NCOA6: variants seen among roughly 807,000 people sequenced by gnomAD.
NCOA6 encodes NRC RAP250.
In NCOA6, 49 loss-of-function variants were observed where a neutral mutation model predicts 171.4. The observed-to-expected ratio is 0.29, with a 90% confidence interval of 0.23 to 0.36. The LOEUF (loss-of-function observed/expected upper bound fraction) is 0.36. NCOA6 is among the 10% of genes least tolerant of loss of function. NCOA6 has a pLI of 1.00. For missense variants in NCOA6, 2,248 were observed against 2,554.5 expected, an observed-to-expected ratio of 0.88 and a Z score of 2.59; for synonymous variants, 910 against 927.5, an observed-to-expected ratio of 0.98 and a Z score of 0.34.
rs1196781414 is a variant in NCOA6 at position 34,780,808 on chromosome 20, C to T, written c.235+1313G>A. 2.0e-5 allele frequency among the ~76,000 whole-genome samples: 3 copies of T among 152,026 alleles called. No homozygotes were observed. In the East Asian group the frequency reaches 5.8e-4, roughly 29 times the overall value. ...AGCTGGGACTACAGGTGCATGCCAA[C>T]ATACCCAACTAATTTTTGTATTTTC... On this transcript the variant is annotated intron_variant, in intron 3 of 14. Coordinates refer to ENST00000359003, the MANE Select transcript of NCOA6 (RefSeq NM_014071.5).
intron 1 of NCOA6, among the ~76,000 whole-genome samples, chr20:34,809,161 T>C (rs577362010): frequency 6.6e-6 from 1 of 152,376 alleles, no homozygotes; most frequent in Admixed American, 6.5e-5. Flanking sequence ...CTTTTTGTCT[T>C]TTCTTGGTAC....
intron 14 of NCOA6, among the ~76,000 whole-genome samples, chr20:34,723,094 G>C (rs1381571553): frequency 6.6e-6 from 1 of 152,174 alleles, no homozygotes; most frequent in Non-Finnish European, 1.5e-5. Context: ...AGCCACTCTA[G>C]CAAATTAACT....
chr20:34,746,855 A>G lies in NCOA6; in HGVS notation c.2866T>C (p.Leu956=), dbSNP rs2076318963. Residue 956 remains leucine, a synonymous_variant, in exon 10 of 15, where the codon TTG becomes CTG. Coordinates refer to ENST00000359003, the MANE Select transcript of NCOA6 (RefSeq NM_014071.5). ...GGCAGTTTAGGGCCTGAGTTATCCA[A>G]GTTAATTCCTTGTTCTCCAGGCAAC... ...PPLPGEQGIN[L]DNSGPKLPEF... is the part of the protein sequence containing the mutation. 1.9e-6 allele frequency: 3 copies of G among 1,609,734 alleles called. No individual in the cohort carries two copies. In the Admixed American group the frequency reaches 5.0e-5, roughly 27 times the overall value.
Position 34,736,697 on chromosome 20 carries a change from G to A in NCOA6, c.5955C>T (p.Ala1985=), listed in dbSNP as rs750665381. The change falls in exon 12 of 15, where the codon GCC becomes GCT. Residue 1985 remains alanine (A), a synonymous_variant. Transcript: ENST00000359003. ...TSTTALQASV[A]RPELEVNAAI... ...TTCCAAAGTACGCCTTACCTGGTCT[G>A]GCAACAGAGGCCTGCAGTGCTGTGG... The A allele has an allele frequency of 2.5e-6, 4 of 1,608,054 alleles. No individual in the cohort carries two copies. In the East Asian group the frequency reaches 9.0e-5, roughly 36 times the overall value.
intron 2 of NCOA6, among the ~76,000 whole-genome samples, chr20:34,785,231 A>C (rs2077637917): frequency 1.3e-5 from 2 of 152,160 alleles, no homozygotes; most frequent in Non-Finnish European, 2.9e-5. Flanking sequence ...ATTTGAGCAG[A>C]GCACCTTGTG....
intron 14 of NCOA6, among the ~76,000 whole-genome samples, chr20:34,720,644 C>T (rs1474137552): frequency 6.6e-6 from 1 of 152,160 alleles, no homozygotes; most frequent in African/African-American, 2.4e-5. Flanking sequence ...ATATATATGA[C>T]CAAACTCTTA....
intron 11 of NCOA6, chr20:34,738,806 C>T (rs938962388): frequency 4.5e-5 from 20 of 449,134 alleles, no homozygotes; most frequent in Admixed American, 2.6e-4. Context: ...GGTTAAGGAA[C>T]GTATCAACTG....
chr20:34,738,741 T>C lies in NCOA6; in HGVS notation c.5893+1622A>G, dbSNP rs151018339. On this transcript the variant is annotated intron_variant, in intron 11 of 14. Transcript: ENST00000359003. ...AGTCCTCTCTCAGAATCCTAAATTC[T>C]GGGAGGTAGAATGTACGATCTCCAT... is the stretch of plus-strand genomic sequence containing the variant. Among the ~76,000 whole-genome samples the C allele has an allele frequency of 7.2e-4, 109 of 152,350 alleles. 2 individuals are homozygous for C. Among genetic ancestry groups the C allele is most frequent in the African/African-American group, 2.3e-3 (97 of 41,580 alleles).
intron 2 of NCOA6, 99 bp downstream of exon 2, chr20:34,792,351 T>C (rs1267126215): frequency 2.6e-6 from 1 of 386,092 alleles, no homozygotes; most frequent in Non-Finnish European, 4.5e-6. Flanking sequence ...AAATGCATTC[T>C]ACACAGTTTT....
At chr20:34,743,559 C>T (rs2076216521) in intron 10 of NCOA6, among the ~76,000 whole-genome samples, 1 of 152,130 alleles carries the variant, frequency 6.6e-6, no homozygotes, top group South Asian at 2.1e-4. Context: ...ATCAAAAAAC[C>T]TGGAGCTCCT....
At chr20:34,771,322 C>T (rs1028914068) in intron 4 of NCOA6, among the ~76,000 whole-genome samples, 1 of 151,850 alleles carries the variant, frequency 6.6e-6, no homozygotes, top group Non-Finnish European at 1.5e-5. Context: ...TTTGTAGAGA[C>T]AGGGTATCAC....
intron 4 of NCOA6, among the ~76,000 whole-genome samples, chr20:34,773,566 C>A (rs2077218006): frequency 6.6e-6 from 1 of 152,118 alleles, no homozygotes; most frequent in South Asian, 2.1e-4. Context: ...GCTCGACACC[C>A]AGGCTGGAGT....
intron 1 of NCOA6, among the ~76,000 whole-genome samples, chr20:34,796,419 A>G (rs1261387336): frequency 6.6e-6 from 1 of 152,004 alleles, no homozygotes; most frequent in Non-Finnish European, 1.5e-5. Flanking sequence ...CAGGAGTTTG[A>G]GATCAGCCTG....
intron 4 of NCOA6, among the ~76,000 whole-genome samples, chr20:34,768,974 AT>A (rs2145975530): frequency 6.6e-6 from 1 of 152,172 alleles, no homozygotes; most frequent in South Asian, 2.1e-4. Context: ...CCTTTTGGTA[AT>A]TTATGATCAG....
chr20:34,726,512 G>A (rs563185471), intron 14 of NCOA6, among the ~76,000 whole-genome samples: 2 of 152,118 alleles, frequency 1.3e-5, no homozygotes, highest in Non-Finnish European at 2.9e-5. Flanking sequence ...TCAGCTGGGC[G>A]TGGTGGCTCA....
At chr20:34,795,388 G>A (rs1239481925) in intron 1 of NCOA6, among the ~76,000 whole-genome samples, 2 of 152,186 alleles carry the variant, frequency 1.3e-5, no homozygotes, top group Non-Finnish European at 2.9e-5. Context: ...TTGATGTGAT[G>A]TAACTTTAAA....
rs1392214153 is a variant in NCOA6 at position 34,749,339 on chromosome 20, T to C, written c.2792+64A>G. On this transcript the variant is annotated intron_variant, in intron 9 of 14. Transcript: ENST00000359003. ...GTTTTATATTCTGTAAAATTTTCCA[T>C]CAAAAAAGTTATCCACACAGAAAAC... The C allele has an allele frequency of 4.0e-6, 6 of 1,511,218 alleles. No homozygotes were observed. The East Asian group carries it at 1.1e-4, about 28-fold the overall frequency. The allele number at this position is 1,511,218 out of a possible 1,614,324, so 93.6% of individuals were successfully genotyped here.
At chr20:34,771,570 C>T (rs765167610) in intron 4 of NCOA6, among the ~76,000 whole-genome samples, 2 of 152,220 alleles carry the variant, frequency 1.3e-5, no homozygotes, top group Non-Finnish European at 2.9e-5. Flanking sequence ...AACATACAGT[C>T]TGTGGCTACC....
chr20:34,803,384 C>A (rs1171640051), intron 1 of NCOA6, among the ~76,000 whole-genome samples: 2 of 150,732 alleles, frequency 1.3e-5, no homozygotes, highest in Non-Finnish European at 2.9e-5. Flanking sequence ...AGGAGAATCA[C>A]ATGAACTCAG....
Sources: gnomAD v4.1 joint callset for allele counts (sites outside exome capture counted in the v4.1 genomes callset) on GRCh38, gnomAD v4.1.1 for gene constraint, MANE v1.5 for transcripts, NCBI Gene and HGNC (gene_info 2026-07-23, HGNC 2026-07-21) for gene names.